Variants in SYT1 observed in about 807,000 individuals in gnomAD.
The protein encoded by SYT1 is synaptotagmin-1.
In SYT1, 8 loss-of-function variants were observed where a neutral mutation model predicts 44.8. The ratio of observed to expected loss-of-function variants is 0.18; its 90% confidence interval spans 0.10 to 0.32. The LOEUF is 0.32. Among genes scored for constraint, SYT1 ranks in the 10% least tolerant of loss-of-function variants. The pLI, the probability that SYT1 is intolerant of heterozygous loss-of-function variation, is 1.00. For missense variants in SYT1, 286 were observed against 509.3 expected (o/e 0.56, Z 4.22); for synonymous variants, 154 against 188.8 (o/e 0.82, Z 1.51).
intron 8 of SYT1, among the ~76,000 whole-genome samples, chr12:79,308,229 T>C (rs1319264959): frequency 6.6e-6 from 1 of 152,132 alleles, no homozygotes; most frequent in Non-Finnish European, 1.5e-5. Context: ...AAATTTTTTG[T>C]GGAAGTGCGG....
At chr12:78,958,489 G>T (rs1345956161) in intron 1 of SYT1, among the ~76,000 whole-genome samples, 1 of 152,028 alleles carries the variant, frequency 6.6e-6, no homozygotes, top group African/African-American at 2.4e-5. Context: ...GAGGTCAAGA[G>T]TTGGAGACCA....
At chr12:79,349,809 T>C (rs955417004) in intron 8 of SYT1, among the ~76,000 whole-genome samples, 3 of 152,174 alleles carry the variant, frequency 2.0e-5, no homozygotes, top group African/African-American at 7.2e-5. Flanking sequence ...TAAATGTTTA[T>C]AAATTACTAT....
chr12:78,955,733 A>T (rs1879175373), intron 1 of SYT1, among the ~76,000 whole-genome samples: 1 of 151,368 alleles, frequency 6.6e-6, no homozygotes, highest in African/African-American at 2.4e-5. Flanking sequence ...ACCAGAAAGA[A>T]ACTTTTTTTT....
At chr12:79,350,534 G>A (rs1025179550) in intron 8 of SYT1, among the ~76,000 whole-genome samples, 2 of 152,086 alleles carry the variant, frequency 1.3e-5, no homozygotes, top group Non-Finnish European at 2.9e-5. Flanking sequence ...TTACAGGCGT[G>A]AGCCACCGCG....
At chr12:79,118,036 C>T (rs1303440404) in intron 3 of SYT1, among the ~76,000 whole-genome samples, 1 of 151,970 alleles carries the variant, frequency 6.6e-6, no homozygotes, top group African/African-American at 2.4e-5. Context: ...GAGAAAGGAA[C>T]CCCTTGGTCC....
intron 4 of SYT1, among the ~76,000 whole-genome samples, chr12:79,273,142 T>TA (rs1342812623): frequency 7.1e-6 from 1 of 140,590 alleles, no homozygotes; most frequent in African/African-American, 2.7e-5. Flanking sequence ...TTTTTGACAA[T>TA]ATCTCGCTCT....
chr12:78,910,574 T>C (rs1209312452), intron 1 of SYT1, among the ~76,000 whole-genome samples: 1 of 152,028 alleles, frequency 6.6e-6, no homozygotes, highest in Admixed American at 6.6e-5. Flanking sequence ...GATTTTTTAA[T>C]GTAAGTTGTT....
At chr12:79,376,276 TAGAC>T (rs1883991509) in intron 9 of SYT1, among the ~76,000 whole-genome samples, 1 of 152,212 alleles carries the variant, frequency 6.6e-6, no homozygotes, top group Non-Finnish European at 1.5e-5. Context: ...GGCTACTCCA[TAGAC>T]AGAGCAGTCC....
At chr12:79,394,385 C>G (rs1246853474) in intron 9 of SYT1, among the ~76,000 whole-genome samples, 1 of 152,164 alleles carries the variant, frequency 6.6e-6, no homozygotes, top group Non-Finnish European at 1.5e-5. Flanking sequence ...AAAAAAATTA[C>G]AGGCAGAAGC....
At chr12:78,949,500 A>G (rs1480259347) in intron 1 of SYT1, among the ~76,000 whole-genome samples, 1 of 151,812 alleles carries the variant, frequency 6.6e-6, no homozygotes, top group Non-Finnish European at 1.5e-5. Flanking sequence ...ACCTTAAATA[A>G]TATCCAGTTT....
chr12:79,425,760 T>C (rs1869406784), intron 9 of SYT1, among the ~76,000 whole-genome samples: 1 of 152,194 alleles, frequency 6.6e-6, no homozygotes, highest in Admixed American at 6.5e-5. Context: ...AGTAGTCAAC[T>C]ACACAGTCAG....
intron 1 of SYT1, among the ~76,000 whole-genome samples, chr12:78,963,248 T>C (rs1480833156): frequency 6.6e-6 from 1 of 152,174 alleles, no homozygotes; most frequent in Non-Finnish European, 1.5e-5. Flanking sequence ...AAAAACATCA[T>C]GACATTGGTT....
chr12:79,368,533 A>G (rs1883648213), intron 9 of SYT1, among the ~76,000 whole-genome samples: 1 of 149,182 alleles, frequency 6.7e-6, no homozygotes, highest in South Asian at 2.1e-4. Flanking sequence ...AAGTGTTCCT[A>G]TTTCTCCACA....
At chr12:78,886,695 G>A in intron 1 of SYT1, among the ~76,000 whole-genome samples, 1 of 152,092 alleles carries the variant, frequency 6.6e-6, no homozygotes, top group East Asian at 1.9e-4. Context: ...TGTTTTGAAA[G>A]GTTTGGGTTG....
At position 78,889,436 on chromosome 12, in the gene SYT1, T is replaced by C. The variant is rs141821034; in HGVS notation, c.-217+24327T>C. ...GAAGCTGACACCATAAATGACAGTATAAAAATAAAGGTGAAATGCTCTACA... is the reference window on the plus strand; with the variant it reads ...GAAGCTGACACCATAAATGACAGTACAAAAATAAAGGTGAAATGCTCTACA... On this transcript the variant is annotated intron_variant, in intron 1 of 10. Coordinates refer to ENST00000261205, the MANE Select transcript of SYT1 (RefSeq NM_005639.3). Among the ~76,000 whole-genome samples, 16 of 152,030 alleles carry C rather than the reference T, an allele frequency of 1.1e-4. 1 individual carries two copies. Among genetic ancestry groups the C allele is most frequent in the African/African-American group, 3.9e-4 (16 of 41,538 alleles).
intron 4 of SYT1, among the ~76,000 whole-genome samples, chr12:79,243,088 G>A (rs1304355989): frequency 6.7e-6 from 1 of 149,526 alleles, no homozygotes; most frequent in African/African-American, 2.5e-5. Context: ...GATCTTGTGA[G>A]ACTTATACAC....
intron 2 of SYT1, among the ~76,000 whole-genome samples, chr12:79,003,749 G>A (rs551818310): frequency 1.3e-5 from 2 of 151,970 alleles, no homozygotes; most frequent in South Asian, 2.1e-4. Context: ...GTGTTGAACA[G>A]TCCCATTTCA....
intron 1 of SYT1, among the ~76,000 whole-genome samples, chr12:78,944,767 G>A (rs1195381213): frequency 6.6e-6 from 1 of 151,892 alleles, no homozygotes; most frequent in East Asian, 1.9e-4. Flanking sequence ...ATACAATTTT[G>A]GAGAAACTAA....
intron 5 of SYT1, among the ~76,000 whole-genome samples, chr12:79,288,725 G>T (rs1471050749): frequency 6.6e-6 from 1 of 152,158 alleles, no homozygotes; most frequent in Admixed American, 6.5e-5. Context: ...CATAGGTCTG[G>T]AAAGGTCATT....
Sources: gnomAD v4.1 joint callset for allele counts (sites outside exome capture counted in the v4.1 genomes callset) on GRCh38, gnomAD v4.1.1 for gene constraint, MANE v1.5 for transcripts, NCBI Gene and HGNC (gene_info 2026-07-23, HGNC 2026-07-21) for gene names.